The following TANK variants were observed in gnomAD, a reference collection of about 807,000 sequenced individuals.
TANK encodes TRAF family member associated NFKB activator.
Under a neutral mutation model 43.6 loss-of-function variants are expected in TANK, and 15 were observed. The observed-to-expected ratio is 0.34, with a 90% CI of 0.23 to 0.53. The LOEUF (loss-of-function observed/expected upper bound fraction) is 0.53, where lower values mean the gene tolerates loss of function less well. Ranked by LOEUF, TANK falls within the 20% of genes least tolerant of loss-of-function variation. The pLI is 0.94. For synonymous variants in TANK, 162 were observed against 178.2 expected (o/e 0.91, Z 0.73); for missense variants, 417 against 498.6 (o/e 0.84, Z 1.56).
At chr2:161,230,875 T>C (rs368353136) in intron 6 of TANK, 96 bp from the exon 7 acceptor site, 2 of 966,182 alleles carry the variant, frequency 2.1e-6, no homozygotes, top group East Asian at 5.3e-5. Context: ...TAAAAACCAA[T>C]AGAAAAAATA....
chr2:161,177,859 T>C (rs1023642087), intron 1 of TANK, among the ~76,000 whole-genome samples: 16 of 152,016 alleles, frequency 1.1e-4, no homozygotes, highest in African/African-American at 3.9e-4. Flanking sequence ...TTATTACAAG[T>C]GGACACAGGA....
At chr2:161,164,585 T>G (rs1399684937) in intron 1 of TANK, among the ~76,000 whole-genome samples, 1 of 152,216 alleles carries the variant, frequency 6.6e-6, no homozygotes, top group Non-Finnish European at 1.5e-5. Context: ...CAAAGTCTTT[T>G]GAACTAAGTG....
intron 4 of TANK, among the ~76,000 whole-genome samples, chr2:161,218,968 AAGG>A (rs1687233224): frequency 6.6e-6 from 1 of 151,910 alleles, no homozygotes; most frequent in Admixed American, 6.6e-5. Flanking sequence ...GAAAGAGTGA[AAGG>A]AGTGTGAGAA....
At chr2:161,197,770 TG>T (rs1686221544) in intron 2 of TANK, among the ~76,000 whole-genome samples, 1 of 152,156 alleles carries the variant, frequency 6.6e-6, no homozygotes, top group Non-Finnish European at 1.5e-5. Context: ...CTTATTCATG[TG>T]GGAGCAGCCC....
At chr2:161,153,936 CACTT>C (rs560962231) in intron 1 of TANK, among the ~76,000 whole-genome samples, 2 of 152,174 alleles carry the variant, frequency 1.3e-5, no homozygotes, top group Non-Finnish European at 2.9e-5. Flanking sequence ...ACAGAACTCT[CACTT>C]ACAATCATCA....
chr2:161,181,497 C>G (rs1437563280), intron 2 of TANK, among the ~76,000 whole-genome samples: 1 of 152,064 alleles, frequency 6.6e-6, no homozygotes, highest in Non-Finnish European at 1.5e-5. Context: ...AATTGACTTA[C>G]AGTTCCACAA....
At chr2:161,151,167 T>C (rs754327087) in intron 1 of TANK, among the ~76,000 whole-genome samples, 1 of 152,216 alleles carries the variant, frequency 6.6e-6, no homozygotes, top group Admixed American at 6.5e-5. Flanking sequence ...TCTTTTTAAA[T>C]ATATTAAGAC....
intron 7 of TANK, among the ~76,000 whole-genome samples, 194 bp downstream of exon 7, chr2:161,231,745 T>C (rs1042969790): frequency 6.6e-6 from 1 of 152,218 alleles, no homozygotes; most frequent in African/African-American, 2.4e-5. Flanking sequence ...TAAAACTTTA[T>C]TGGAAAGTAC....
chr2:161,181,810 G>A (rs1409027405), intron 2 of TANK, among the ~76,000 whole-genome samples: 1 of 152,016 alleles, frequency 6.6e-6, no homozygotes, highest in East Asian at 1.9e-4. Flanking sequence ...ACTAGCCAAG[G>A]GAAAACTTGC....
At chr2:161,162,558 T>A (rs1191388275) in intron 1 of TANK, 1 of 152,122 alleles carries the variant, frequency 6.6e-6, no homozygotes, top group African/African-American at 2.4e-5. Flanking sequence ...CCCAGAATAG[T>A]GGTAAATAAA....
intron 2 of TANK, among the ~76,000 whole-genome samples, chr2:161,194,491 A>G (rs1686056574): frequency 6.6e-6 from 1 of 152,162 alleles, no homozygotes; most frequent in African/African-American, 2.4e-5. Flanking sequence ...TGCTAAGCAA[A>G]GAGTCTTATT....
At chr2:161,223,696 A>G (rs748158639) in intron 4 of TANK, 1 of 341,852 alleles carries the variant, frequency 2.9e-6, no homozygotes, top group Non-Finnish European at 5.4e-6. Flanking sequence ...GAAATATTTC[A>G]TCTCTTCAGA....
At chr2:161,185,485 GT>G (rs1375068038) in intron 2 of TANK, among the ~76,000 whole-genome samples, 14 of 146,906 alleles carry the variant, frequency 9.5e-5, no homozygotes, top group South Asian at 2.2e-4. Flanking sequence ...TTGGTTTTTT[GT>G]TTTTTTTTTC....
intron 4 of TANK, among the ~76,000 whole-genome samples, chr2:161,205,488 CTG>C (rs1686609510): frequency 6.6e-6 from 1 of 152,034 alleles, no homozygotes; most frequent in South Asian, 2.1e-4. Context: ...CTTCAATAGT[CTG>C]TGCTTAGTTT....
intron 1 of TANK, among the ~76,000 whole-genome samples, chr2:161,148,842 T>C (rs970465453): frequency 6.6e-6 from 1 of 152,168 alleles, no homozygotes; most frequent in African/African-American, 2.4e-5. Flanking sequence ...GTTCTATTCC[T>C]TTGGTCCATA....
At chr2:161,178,562 A>G (rs562727276) in intron 1 of TANK, among the ~76,000 whole-genome samples, 3 of 152,222 alleles carry the variant, frequency 2.0e-5, no homozygotes, top group South Asian at 2.1e-4. Context: ...GGTGATTAAA[A>G]TGTTCCAGAA....
chr2:161,210,458 G>T (rs1686829102), intron 4 of TANK, among the ~76,000 whole-genome samples: 3 of 152,068 alleles, frequency 2.0e-5, no homozygotes, highest in Admixed American at 2.0e-4. Context: ...ACAATATGGA[G>T]ACCTACAGCA....
intron 4 of TANK, among the ~76,000 whole-genome samples, chr2:161,222,452 A>T (rs1411488216): frequency 1.3e-5 from 2 of 152,102 alleles, no homozygotes; most frequent in African/African-American, 4.8e-5. Context: ...TATAGACTTA[A>T]TAATAAAATC....
chr2:161,212,418 T>C (rs889504670), intron 4 of TANK: 2 of 984,256 alleles, frequency 2.0e-6, no homozygotes, highest in African/African-American at 3.5e-5. Flanking sequence ...AATAATTACA[T>C]TGAAATTTTC....
Sources: gnomAD v4.1 joint callset for allele counts (sites outside exome capture counted in the v4.1 genomes callset) on GRCh38, gnomAD v4.1.1 for gene constraint, MANE v1.5 for transcripts, NCBI Gene and HGNC (gene_info 2026-07-23, HGNC 2026-07-21) for gene names.